ZNF277: variants seen among roughly 807,000 people sequenced by gnomAD.
The protein encoded by ZNF277 is nuclear receptor-interacting factor 4.
Under a neutral mutation model 60.7 loss-of-function variants are expected in ZNF277, and 55 were observed. That is an observed-to-expected ratio of 0.91 (90% CI 0.73 to 1.13). The LOEUF is 1.13. Among genes scored for constraint, ZNF277 ranks in the 50% most tolerant of loss-of-function variants. ZNF277 has a pLI of 0.00. For missense variants in ZNF277, 510 were observed against 523.0 expected (o/e 0.98, Z 0.24); for synonymous variants, 178 against 179.3 (o/e 0.99, Z 0.06).
intron 7 of ZNF277, 151 bp downstream of exon 7, chr7:112,330,367 T>C: frequency 1.4e-6 from 1 of 709,100 alleles, no homozygotes; most frequent in South Asian, 1.8e-5. Flanking sequence ...TTGAAATGGT[T>C]AGAGTACAAG....
At chr7:112,335,956 T>A in intron 7 of ZNF277, 148 bp from the exon 8 acceptor site, 1 of 458,354 alleles carries the variant, frequency 2.2e-6, no homozygotes, top group South Asian at 5.3e-5. Context: ...AGTTGGGCCA[T>A]CTGTATATCC....
intron 1 of ZNF277, among the ~76,000 whole-genome samples, chr7:112,229,235 T>A (rs1419671282): frequency 1.3e-5 from 2 of 152,110 alleles, no homozygotes; most frequent in African/African-American, 4.8e-5. Context: ...TTGAAAGAAG[T>A]AATTATGGTT....
intron 1 of ZNF277, among the ~76,000 whole-genome samples, chr7:112,246,005 C>A (rs1050065112): frequency 3.9e-5 from 6 of 152,128 alleles, no homozygotes; most frequent in African/African-American, 1.4e-4. Context: ...GGAAAGTCTT[C>A]TGTTTTCCTT....
rs1432581614 is a variant in ZNF277 at position 112,243,659 on chromosome 7, TA to T, written c.91+36857del. The stretch of plus-strand genomic sequence containing the variant: ...TTACAAGAGTCAGGATGGCTATAGT[TA>T]AAAAGTCAAAAAATTACAGGTGTTG... On this transcript the variant is annotated intron_variant, in intron 1 of 11. Coordinates refer to ENST00000361822, the MANE Select transcript of ZNF277 (RefSeq NM_021994.3). Among the ~76,000 whole-genome samples the T allele has an allele frequency of 1.1e-4, 17 of 152,132 alleles. 1 individual carries two copies. The East Asian group carries it at 3.3e-3, about 29-fold the overall frequency.
chr7:112,217,575 T>A (rs1821919027), intron 1 of ZNF277, among the ~76,000 whole-genome samples: 1 of 152,208 alleles, frequency 6.6e-6, no homozygotes, highest in African/African-American at 2.4e-5. Context: ...CGGTGTTCAT[T>A]CCTGGATATG....
chr7:112,237,497 A>G (rs1196903557), intron 1 of ZNF277, among the ~76,000 whole-genome samples: 1 of 152,142 alleles, frequency 6.6e-6, no homozygotes. Flanking sequence ...AAATTCAAAT[A>G]AACAATCAGA....
At chr7:112,227,687 T>A (rs567984138) in intron 1 of ZNF277, among the ~76,000 whole-genome samples, 1 of 152,324 alleles carries the variant, frequency 6.6e-6, no homozygotes, top group South Asian at 2.1e-4. Flanking sequence ...GTAAATATTG[T>A]AACCCTCATT....
At chr7:112,270,887 G>A (rs1001190046) in intron 1 of ZNF277, among the ~76,000 whole-genome samples, 22 of 151,528 alleles carry the variant, frequency 1.5e-4, no homozygotes, top group African/African-American at 5.3e-4. Flanking sequence ...AAGCAGCTGG[G>A]AGTAGCAAAA....
chr7:112,268,221 G>T (rs978553290), intron 1 of ZNF277, among the ~76,000 whole-genome samples: 3 of 151,858 alleles, frequency 2.0e-5, no homozygotes, highest in Non-Finnish European at 2.9e-5. Context: ...TTTAGATTTA[G>T]GGGGAAAGTA....
chr7:112,238,574 G>A (rs1029725722), intron 1 of ZNF277, among the ~76,000 whole-genome samples: 1 of 152,022 alleles, frequency 6.6e-6, no homozygotes, highest in African/African-American at 2.4e-5. Context: ...CACCACCTGT[G>A]GTGGCCAGGG....
chr7:112,324,921 A>G (rs1793063001), intron 5 of ZNF277, among the ~76,000 whole-genome samples: 1 of 151,490 alleles, frequency 6.6e-6, no homozygotes, highest in African/African-American at 2.4e-5. Flanking sequence ...ACAAGAGAAG[A>G]TGAATTTCCC....
rs1221275083 is a variant in ZNF277 at position 112,206,791 on chromosome 7, G to A, written c.75G>A (p.Gly25=). Residue 25 remains glycine, a synonymous_variant, in exon 1 of 12, where the codon GGG becomes GGA. Transcript: ENST00000361822. ...EDRDGSCSTV[G]GVGYGDSKDC... ...GTGATGGGAGCTGCAGCACAGTCGG[G>A]GGTGTAGGTTATGGGGGTGAGTACG... is the stretch of plus-strand genomic sequence containing the variant. The A allele has an allele frequency of 6.2e-7, 1 of 1,613,442 alleles. No homozygotes were observed. Among genetic ancestry groups the A allele is most frequent in the Non-Finnish European group, 8.5e-7 (1 of 1,179,738 alleles).
chr7:112,216,211 A>T (rs1821876035), intron 1 of ZNF277, among the ~76,000 whole-genome samples: 1 of 152,230 alleles, frequency 6.6e-6, no homozygotes, highest in Non-Finnish European at 1.5e-5. Flanking sequence ...ACATTGAGTT[A>T]TTTTTCCAGC....
intron 1 of ZNF277, among the ~76,000 whole-genome samples, chr7:112,254,404 A>C (rs1791261451): frequency 6.6e-6 from 1 of 152,214 alleles, no homozygotes; most frequent in Non-Finnish European, 1.5e-5. Flanking sequence ...TGTGTGATAC[A>C]ATTCAGGAAC....
At chr7:112,257,172 G>C (rs1156665631) in intron 1 of ZNF277, among the ~76,000 whole-genome samples, 1 of 152,162 alleles carries the variant, frequency 6.6e-6, no homozygotes, top group Non-Finnish European at 1.5e-5. Flanking sequence ...CGCCACACCG[G>C]ATATTTCTAA....
chr7:112,265,093 G>C (rs10270151), intron 1 of ZNF277, among the ~76,000 whole-genome samples: 8,744 of 152,140 alleles, frequency 0.057, 675 homozygotes, highest in African/African-American at 0.18. Flanking sequence ...TCATTTGTGC[G>C]TTCAGTGGAG....
At chr7:112,269,145 T>C (rs1036099597) in intron 1 of ZNF277, among the ~76,000 whole-genome samples, 5 of 152,142 alleles carry the variant, frequency 3.3e-5, no homozygotes, top group Non-Finnish European at 7.4e-5. Context: ...ACCTTGAATT[T>C]GTTCATGATC....
At chr7:112,254,423 T>C (rs756305924) in intron 1 of ZNF277, among the ~76,000 whole-genome samples, 1 of 152,228 alleles carries the variant, frequency 6.6e-6, no homozygotes, top group Non-Finnish European at 1.5e-5. Context: ...ACCACTGGTG[T>C]ACAGGATAGG....
At chr7:112,289,637 A>G (rs998242523) in intron 2 of ZNF277, among the ~76,000 whole-genome samples, 3 of 152,212 alleles carry the variant, frequency 2.0e-5, no homozygotes, top group African/African-American at 2.4e-5. Context: ...TGTTTCAGAC[A>G]CTTCTTAGGC....
Sources: allele counts gnomAD v4.1 joint callset (sites outside exome capture counted in the v4.1 genomes callset), GRCh38; gene constraint gnomAD v4.1.1; transcripts MANE v1.5; gene names NCBI Gene and HGNC (gene_info 2026-07-23, HGNC 2026-07-21).